Variants in ABHD12B observed in about 807,000 individuals in gnomAD.
ABHD12B encodes the protein abhydrolase domain containing 12B.
ABHD12B carries 42 observed loss-of-function variants against 50.4 expected under a neutral mutation model. The ratio of observed to expected loss-of-function variants is 0.83; its 90% CI spans 0.65 to 1.08. ABHD12B has a LOEUF of 1.08. Ranked by LOEUF, ABHD12B falls within the 50% of genes least tolerant of loss-of-function variation. The pLI is 0.00. For synonymous variants in ABHD12B, 167 were observed against 160.3 expected, an observed-to-expected ratio of 1.04 and a Z score of -0.32; for missense variants, 479 against 447.7, an observed-to-expected ratio of 1.07 and a Z score of -0.63.
intron 2 of ABHD12B, among the ~76,000 whole-genome samples, chr14:50,878,365 T>G (rs939887269): frequency 1.1e-4 from 17 of 152,216 alleles, no homozygotes; most frequent in African/African-American, 3.6e-4. Flanking sequence ...GGACATTTCT[T>G]GCCTTTTGGC....
intron 1 of ABHD12B, among the ~76,000 whole-genome samples, chr14:50,876,365 G>A (rs1488836875): frequency 6.6e-6 from 1 of 152,024 alleles, no homozygotes; most frequent in Non-Finnish European, 1.5e-5. Flanking sequence ...ACACATATAA[G>A]TGCTCTGATT....
intron 5 of ABHD12B, among the ~76,000 whole-genome samples, chr14:50,884,964 T>C (rs900923831): frequency 6.6e-6 from 1 of 152,236 alleles, no homozygotes; most frequent in African/African-American, 2.4e-5. Flanking sequence ...TTGCTTCTAC[T>C]ACAACTCTGT....
chr14:50,876,672 G>A lies in ABHD12B; in HGVS notation c.105-1280G>A, dbSNP rs117542635. Among the ~76,000 whole-genome samples, 110 of 152,328 alleles carry A rather than the reference G, an allele frequency of 7.2e-4. 1 individual carries two copies. In the East Asian group the frequency reaches 0.013, roughly 18 times the overall value. On this transcript the variant is annotated intron_variant, in intron 1 of 12. Coordinates refer to ENST00000337334, the MANE Select transcript of ABHD12B (RefSeq NM_001206673.2). ...TATGGGATCAGACAGACCTGGGTAT[G>A]TGTGGCTCTGCCATTCATTGACTTG...
intron 9 of ABHD12B, among the ~76,000 whole-genome samples, chr14:50,890,434 G>A (rs2050102165): frequency 6.6e-6 from 1 of 152,082 alleles, no homozygotes; most frequent in Non-Finnish European, 1.5e-5. Context: ...GTAATCCTTA[G>A]TCCTTAGATG....
At position 50,877,682 on chromosome 14, in the gene ABHD12B, C is replaced by T. The variant is rs977166980; in HGVS notation, c.105-270C>T. On this transcript the variant is annotated intron_variant, in intron 1 of 12. Coordinates refer to ENST00000337334, the MANE Select transcript of ABHD12B (RefSeq NM_001206673.2). ...AGGAGTTCGAGACCAGCCTGGCCAA[C>T]ATGGTGAAACCCTGTCTCTACTAAA... 9.2e-5 allele frequency among the ~76,000 whole-genome samples: 14 copies of T among 152,258 alleles called. No homozygotes were observed. The East Asian group carries it at 2.5e-3, about 27-fold the overall frequency.
chr14:50,874,881 T>C (rs910232135), intron 1 of ABHD12B, among the ~76,000 whole-genome samples: 1 of 152,250 alleles, frequency 6.6e-6, no homozygotes, highest in Non-Finnish European at 1.5e-5. Flanking sequence ...ATTGATTCAT[T>C]TGCAATTGTA....
At chr14:50,893,013 T>C (rs2050139521) in intron 9 of ABHD12B, 1 of 152,228 alleles carries the variant, frequency 6.6e-6, no homozygotes, top group African/African-American at 2.4e-5. Context: ...ATTTTAGTCT[T>C]TTGAAATTTG....
At chr14:50,894,448 G>C (rs2050166327) in intron 9 of ABHD12B, among the ~76,000 whole-genome samples, 1 of 151,484 alleles carries the variant, frequency 6.6e-6, no homozygotes. Context: ...CTATGGGCAA[G>C]CTTCCACCTT....
chr14:50,881,517 C>A (rs973701134), intron 4 of ABHD12B, 79 bp from the exon 5 acceptor site: 2 of 1,507,330 alleles, frequency 1.3e-6, no homozygotes, highest in Admixed American at 3.8e-5. Context: ...ACCAGCAGCA[C>A]GAGAGTGATT....
intron 9 of ABHD12B, among the ~76,000 whole-genome samples, chr14:50,898,182 C>T (rs186580628): frequency 3.3e-5 from 5 of 152,300 alleles, no homozygotes; most frequent in Admixed American, 3.3e-4. Flanking sequence ...TCTTTTAAAT[C>T]CTCACAGCAA....
At chr14:50,896,753 C>T (rs1025408053) in intron 9 of ABHD12B, among the ~76,000 whole-genome samples, 2 of 151,988 alleles carry the variant, frequency 1.3e-5, no homozygotes, top group South Asian at 2.1e-4. Flanking sequence ...TCCTATAAAA[C>T]GGCCCCACCC....
intron 11 of ABHD12B, among the ~76,000 whole-genome samples, chr14:50,903,823 A>T (rs981895543): frequency 6.6e-6 from 1 of 152,122 alleles, no homozygotes; most frequent in African/African-American, 2.4e-5. Context: ...GGTCCATAAC[A>T]ATTCCTTGGC....
intron 9 of ABHD12B, among the ~76,000 whole-genome samples, chr14:50,889,265 G>A (rs571488309): frequency 2.0e-5 from 3 of 152,208 alleles, no homozygotes; most frequent in Admixed American, 6.5e-5. Context: ...TAACTTTATC[G>A]TAAGAAAGTT....
chr14:50,898,558 A>G lies in ABHD12B; in HGVS notation c.781-3271A>G, dbSNP rs61984971. 9.6e-3 allele frequency among the ~76,000 whole-genome samples: 1,468 copies of G among 152,310 alleles called. 12 individuals are homozygous for G. The highest frequency in any genetic ancestry group is 0.016 in the Non-Finnish European group (1,071 of 68,020). On this transcript the variant is annotated intron_variant, in intron 9 of 12. Coordinates refer to ENST00000337334, the MANE Select transcript of ABHD12B (RefSeq NM_001206673.2). ...CATGGTCTAGGCTGGAGGGGAAGGT[A>G]TGACCTGTGAGTCTCAAAGGGCACT...
chr14:50,880,504 T>A lies in ABHD12B; in HGVS notation c.388T>A (p.Trp130Arg). 6.2e-7 allele frequency: 1 copy of A among 1,611,962 alleles called. No individual in the cohort carries two copies. The highest frequency in any genetic ancestry group is 8.5e-7 in the Non-Finnish European group (1 of 1,178,890). ...AGATGCCAAGGGGAAGGACTGTTGCTGGTATGAAGCAGCCCTTCGTGATGG... is the reference window on the plus strand; with the variant it reads ...AGATGCCAAGGGGAAGGACTGTTGCAGGTATGAAGCAGCCCTTCGTGATGG... Reference protein sequence around the residue: ...GEDAKGKDCCWYEAALRDGNP... With the variant: ...GEDAKGKDCCRYEAALRDGNP... Residue 130 changes from tryptophan to arginine, a missense_variant, in exon 4 of 13, where the codon TGG (tryptophan) becomes AGG (arginine). Physicochemically the swap from Trp to Arg is moderately radical, Grantham distance 101. Transcript: ENST00000337334.
rs151256676 is a variant in ABHD12B, at chr14:50,875,211, A to G, written c.105-2741A>G. 4.5e-4 allele frequency among the ~76,000 whole-genome samples: 68 copies of G among 152,300 alleles called. 2 individuals carry two copies. The highest frequency in any genetic ancestry group is 1.5e-3 in the African/African-American group (61 of 41,560). On this transcript the variant is annotated intron_variant, in intron 1 of 12. Coordinates refer to ENST00000337334, the MANE Select transcript of ABHD12B (RefSeq NM_001206673.2). ...ACAAGAGAGGAGAGGTCACCATGGA[A>G]TGATCTCTCCAGGAGACTTTGACAA...
chr14:50,904,039 T>C, intron 11 of ABHD12B, 35 bp from the exon 12 acceptor site: 2 of 1,542,608 alleles, frequency 1.3e-6, no homozygotes, highest in Non-Finnish European at 1.8e-6. Context: ...CAGCTTTGAA[T>C]GGCCATCCTT....
intron 7 of ABHD12B, among the ~76,000 whole-genome samples, 192 bp from the exon 8 acceptor site, chr14:50,886,455 A>AAG (rs1555324079): frequency 6.6e-6 from 1 of 151,452 alleles, no homozygotes; most frequent in Non-Finnish European, 1.5e-5. Context: ...AAAAAAAAAA[A>AAG]AAAGAAAGAA....
At chr14:50,897,158 T>C (rs538030714) in intron 9 of ABHD12B, among the ~76,000 whole-genome samples, 1 of 150,038 alleles carries the variant, frequency 6.7e-6, no homozygotes, top group Non-Finnish European at 1.5e-5. Context: ...TGGCAACCTC[T>C]GCCTCCTGAG....
Sources: gnomAD v4.1 joint callset for allele counts (sites outside exome capture counted in the v4.1 genomes callset) on GRCh38, gnomAD v4.1.1 for gene constraint, MANE v1.5 for transcripts, NCBI Gene and HGNC (gene_info 2026-07-23, HGNC 2026-07-21) for gene names.